The following CD46 variants were observed in gnomAD, a reference collection of about 807,000 sequenced individuals.
CD46 encodes CD46 molecule, also known as membrane cofactor protein.
Under a neutral mutation model 53.3 loss-of-function variants are expected in CD46, and 30 were observed. The observed-to-expected ratio is 0.56, with a 90% CI of 0.42 to 0.76. The LOEUF is 0.76. CD46 is among the 30% of genes least tolerant of loss of function. The probability of loss-of-function intolerance (pLI) is 0.00; values close to 1 mark genes in which losing one functional copy is unlikely to be tolerated. For missense variants in CD46, 409 were observed against 463.0 expected, an observed-to-expected ratio of 0.88 and a Z score of 1.07; for synonymous variants, 142 against 152.0, an observed-to-expected ratio of 0.93 and a Z score of 0.48.
rs558005401 is a variant in CD46 at position 207,785,056 on chromosome 1, T to G, written c.983-15T>G. 1 of 1,609,212 alleles carries G rather than the reference T, an allele frequency of 6.2e-7. No individual in the cohort carries two copies. The highest frequency in any genetic ancestry group is 8.5e-7 in the Non-Finnish European group (1 of 1,175,876). ...ATCCATGTGTTCAACATCTTGGAAC[T>G]GTTTTCTTTCTCAGATGTTTGGGTC... On this transcript the variant is annotated splice_polypyrimidine_tract_variant and intron_variant, in intron 9 of 12. Coordinates refer to ENST00000367042, the MANE Select transcript of CD46 (RefSeq NM_172351.3).
chr1:207,786,922 G>A (rs1044792939), intron 11 of CD46, among the ~76,000 whole-genome samples: 4 of 152,160 alleles, frequency 2.6e-5, no homozygotes, highest in Non-Finnish European at 5.9e-5. Flanking sequence ...TAAGGTTTGC[G>A]TAGAAACAAG....
intron 4 of CD46, chr1:207,760,367 T>G (rs1656042824): frequency 6.6e-6 from 1 of 152,348 alleles, no homozygotes; most frequent in Admixed American, 6.5e-5. Flanking sequence ...ACACAATATG[T>G]AGCCTTTGGA....
rs558139077 is a variant in CD46, at chr1:207,756,786, A to G, written c.98-228A>G. 2.0e-5 allele frequency among the ~76,000 whole-genome samples: 3 copies of G among 152,378 alleles called. No homozygotes were observed. The East Asian group carries it at 5.8e-4, about 29-fold the overall frequency. ...ATGCTGTCTCTTCAGTTTATTGTCG[A>G]ATGTTTATTCCCAAACAAACCAAAA... On this transcript the variant is annotated intron_variant, in intron 1 of 12. Transcript: ENST00000367042.
Position 207,761,350 on chromosome 1 carries a change from C to G in CD46, c.577C>G (p.Pro193Ala), listed in dbSNP as rs371473734. 6.2e-7 allele frequency: 1 copy of G among 1,612,812 alleles called. No homozygotes were observed. The highest frequency in any genetic ancestry group is 1.1e-5 in the South Asian group (1 of 91,058). ...TGATGCAGTAACTTATAGTTGTGAT[C>G]CTGCACCTGGACCAGATCCATTTTC... ...YLDAVTYSCD[P>A]APGPDPFSLI... is the part of the protein sequence containing the mutation. The change falls in exon 5 of 13, where the codon CCT (proline) becomes GCT (alanine). Residue 193 changes from proline (P) to alanine (A), a missense_variant. Physicochemically the swap from Pro to Ala is conservative, Grantham distance 27 (BLOSUM62 -1). Coordinates refer to ENST00000367042, the MANE Select transcript of CD46 (RefSeq NM_172351.3).
At chr1:207,756,617 T>C (rs1265405279) in intron 1 of CD46, among the ~76,000 whole-genome samples, 1 of 152,192 alleles carries the variant, frequency 6.6e-6, no homozygotes, top group Non-Finnish European at 1.5e-5. Flanking sequence ...TGTTATAAGT[T>C]AGTGTTTTAA....
intron 8 of CD46, among the ~76,000 whole-genome samples, chr1:207,774,521 C>T (rs528254545): frequency 1.2e-4 from 18 of 152,236 alleles, no homozygotes; most frequent in East Asian, 3.9e-4. Flanking sequence ...TGGCTGGTAC[C>T]GGTTGTTCCT....
intron 12 of CD46, among the ~76,000 whole-genome samples, chr1:207,791,504 G>A (rs1013595938): frequency 7.2e-5 from 11 of 152,230 alleles, no homozygotes; most frequent in African/African-American, 1.9e-4. Context: ...AGTGTCCACA[G>A]CATGGGTATG....
At chr1:207,787,874 G>C (rs532928986) in intron 11 of CD46, among the ~76,000 whole-genome samples, 2 of 152,226 alleles carry the variant, frequency 1.3e-5, no homozygotes, top group South Asian at 4.2e-4. Flanking sequence ...TCAGAGTCTA[G>C]AGGAATGTTT....
rs532210328 is a variant in CD46 at position 207,790,052 on chromosome 1, C to G, written c.1083-201C>G. On this transcript the variant is annotated intron_variant, in intron 11 of 12. Coordinates refer to ENST00000367042, the MANE Select transcript of CD46 (RefSeq NM_172351.3). ...TTTATCTGCTGGATGATCTATATGACTTCAAAGTTCAAGTAGCTTCTAGCA... is the reference window on the plus strand; with the variant it reads ...TTTATCTGCTGGATGATCTATATGAGTTCAAAGTTCAAGTAGCTTCTAGCA... Among the ~76,000 whole-genome samples, 28 of 152,224 alleles carry G rather than the reference C, an allele frequency of 1.8e-4. No homozygotes were observed. In the South Asian group the frequency reaches 5.8e-3, roughly 32 times the overall value.
chr1:207,773,823 T>G (rs774733299), intron 8 of CD46, among the ~76,000 whole-genome samples: 1 of 152,210 alleles, frequency 6.6e-6, no homozygotes, highest in Non-Finnish European at 1.5e-5. Context: ...AATTTTAGAA[T>G]AAGTGCGATG....
At chr1:207,786,411 C>A (rs1403367863) in intron 11 of CD46, among the ~76,000 whole-genome samples, 1 of 152,076 alleles carries the variant, frequency 6.6e-6, no homozygotes, top group Non-Finnish European at 1.5e-5. Context: ...AAGTACATAT[C>A]TTCTAAAGAA....
intron 9 of CD46, 32 bp from the exon 10 acceptor site, chr1:207,785,039 G>A: frequency 6.3e-7 from 1 of 1,590,620 alleles, no homozygotes; most frequent in Non-Finnish European, 8.6e-7. Context: ...AGATCCATGT[G>A]TTCAACATCT....
rs1247054921 is a variant in CD46, at chr1:207,795,044, G to C, written c.*1567G>C. 2 of 152,194 alleles carry C rather than the reference G, an allele frequency of 1.3e-5. No homozygotes were observed. The highest frequency in any genetic ancestry group is 3.8e-4 in the East Asian group (2 of 5,198). The allele number at this position is 152,194 out of a possible 1,614,324, so 9.4% of individuals were successfully genotyped here. A position where few individuals can be genotyped will look rare whatever the true frequency, so the allele number is the denominator to read the frequency against. On this transcript the variant is annotated 3_prime_UTR_variant, in exon 13 of 13. Coordinates refer to ENST00000367042, the MANE Select transcript of CD46 (RefSeq NM_172351.3). ...CTTTAGGAAGATAAAAGTTTGAGGA[G>C]AACAAACAGGAATTCTGAATTAAGC...
rs778401499 is a variant in CD46, at chr1:207,767,659, A to C, written c.857-120A>C. The C allele has an allele frequency of 7.3e-5, 118 of 1,611,426 alleles. No homozygotes were observed. Among genetic ancestry groups the C allele is most frequent in the Non-Finnish European group, 9.8e-5 (116 of 1,177,742 alleles). ...CAGCTTTGAGTCATTCAGGTTTAGT[A>C]GCTTCTTCCTTATATGTCTTCTTCC... On this transcript the variant is annotated intron_variant, in intron 6 of 12. Transcript: ENST00000367042.
At chr1:207,788,846 A>G (rs982086533) in intron 11 of CD46, among the ~76,000 whole-genome samples, 1 of 152,230 alleles carries the variant, frequency 6.6e-6, no homozygotes, top group African/African-American at 2.4e-5. Context: ...AGATCATCCA[A>G]CATCATTTAC....
At chr1:207,759,505 T>C (rs1158386349) in intron 3 of CD46, 134 bp from the exon 4 acceptor site, 4 of 624,750 alleles carry the variant, frequency 6.4e-6, no homozygotes, top group South Asian at 2.0e-5. Flanking sequence ...TTTCGTTATA[T>C]AGTATGTTGT....
chr1:207,770,614 C>T (rs749073489), intron 8 of CD46, among the ~76,000 whole-genome samples: 6 of 152,232 alleles, frequency 3.9e-5, no homozygotes, highest in Admixed American at 3.3e-4. Context: ...CATGTGTTCT[C>T]GTTGTTCAAC....
intron 12 of CD46, among the ~76,000 whole-genome samples, chr1:207,791,252 C>G (rs556723606): frequency 6.6e-6 from 1 of 152,022 alleles, no homozygotes; most frequent in Non-Finnish European, 1.5e-5. Flanking sequence ...GAGTACTAAA[C>G]CTTATATATA....
chr1:207,776,993 A>G (rs994607597), intron 8 of CD46, among the ~76,000 whole-genome samples: 1 of 152,128 alleles, frequency 6.6e-6, no homozygotes, highest in African/African-American at 2.4e-5. Flanking sequence ...ACATTTATTT[A>G]TTCATGTGCT....
Sources: allele counts gnomAD v4.1 joint callset (sites outside exome capture counted in the v4.1 genomes callset), GRCh38; gene constraint gnomAD v4.1.1; transcripts MANE v1.5; gene names NCBI Gene and HGNC (gene_info 2026-07-23, HGNC 2026-07-21).